The following MAF variants were observed in gnomAD, a reference collection of about 807,000 sequenced individuals.
The protein encoded by MAF is transcription factor Maf.
Under a neutral mutation model 22.0 loss-of-function variants are expected in MAF, and 10 were observed. The observed-to-expected ratio is 0.45, with a 90% CI of 0.28 to 0.77. The LOEUF is 0.77. Ranked by LOEUF, MAF falls within the 30% of genes least tolerant of loss-of-function variation. MAF has a pLI of 0.12. For missense variants in MAF, 544 were observed against 548.4 expected, an observed-to-expected ratio of 0.99 and a Z score of 0.08; for synonymous variants, 337 against 255.8, an observed-to-expected ratio of 1.32 and a Z score of -3.03.
At chr16:79,223,675 G>T in the MAF span, among the ~76,000 whole-genome samples, 1 of 152,064 alleles carries the variant, frequency 6.6e-6, no homozygotes, top group Non-Finnish European at 1.5e-5. Context: ...TGATAAAGGG[G>T]ATATCACCAC....
At chr16:79,226,213 G>A in the MAF span, among the ~76,000 whole-genome samples, 1 of 152,214 alleles carries the variant, frequency 6.6e-6, no homozygotes, top group Non-Finnish European at 1.5e-5. Flanking sequence ...AAAAGGATGA[G>A]TTCATGTCCT....
At chr16:79,285,161 T>C in the MAF span, among the ~76,000 whole-genome samples, 1,867 of 152,336 alleles carry the variant, frequency 0.012, 38 homozygotes, top group African/African-American at 0.043. Flanking sequence ...CCTGGCTTCA[T>C]AGGCATTTGT....
At chr16:79,211,923 G>GTTTT in the MAF span, 1 of 1,541,086 alleles carries the variant, frequency 6.5e-7, no homozygotes, top group Non-Finnish European at 8.7e-7. Flanking sequence ...AATAAGAGCA[G>GTTTT]TCACAACAGA....
chr16:79,215,590 G>A, the MAF span, among the ~76,000 whole-genome samples: 1 of 152,118 alleles, frequency 6.6e-6, no homozygotes, highest in African/African-American at 2.4e-5. Flanking sequence ...CCTCCTCTGT[G>A]GATCCTGCAG....
chr16:79,384,075 G>A, the MAF span, among the ~76,000 whole-genome samples: 1 of 152,168 alleles, frequency 6.6e-6, no homozygotes, highest in Admixed American at 6.5e-5. Flanking sequence ...GGCTCCTCCT[G>A]AGTTGTACAA....
chr16:79,341,643 G>C, the MAF span, among the ~76,000 whole-genome samples: 1 of 152,190 alleles, frequency 6.6e-6, no homozygotes, highest in Non-Finnish European at 1.5e-5. Context: ...GTTGGCTATT[G>C]AAGACTTTTG....
chr16:79,594,401 T>C lies in MAF; in HGVS notation c.*59A>G, dbSNP rs1039276209. On this transcript the variant is annotated 3_prime_UTR_variant, in exon 2 of 2. Coordinates refer to ENST00000326043, the MANE Select transcript of MAF (RefSeq NM_005360.5). ...GAAGTCAGGGGTAGGTGGTTCTCCA[T>C]GACTGCAAATAATAATAATAATGAT... 8.2e-6 allele frequency: 12 copies of C among 1,470,696 alleles called. No individual in the cohort carries two copies. The highest frequency in any genetic ancestry group is 4.2e-5 in the African/African-American group (3 of 71,378). 91.1% of individuals were successfully genotyped at this position (1,470,696 alleles called of 1,614,324 possible).
the MAF span, among the ~76,000 whole-genome samples, chr16:79,548,533 G>C: frequency 6.6e-6 from 1 of 152,232 alleles, no homozygotes; most frequent in Non-Finnish European, 1.5e-5. Context: ...CTACAAGAAA[G>C]TGTTCTAGCA....
chr16:79,486,967 C>G, the MAF span, among the ~76,000 whole-genome samples: 1 of 152,138 alleles, frequency 6.6e-6, no homozygotes, highest in Non-Finnish European at 1.5e-5. Context: ...CATCCTAAAT[C>G]TGCTGCCCAG....
downstream of MAF, among the ~76,000 whole-genome samples, chr16:79,581,403 G>C (rs532385843): frequency 1.4e-4 from 22 of 152,254 alleles, no homozygotes; most frequent in South Asian, 3.9e-3. Context: ...CTTTGCAGAG[G>C]GGGGAGTCAA....
At chr16:79,405,665 G>A in the MAF span, among the ~76,000 whole-genome samples, 2 of 152,184 alleles carry the variant, frequency 1.3e-5, no homozygotes, top group Non-Finnish European at 2.9e-5. Flanking sequence ...GACTTCGAAT[G>A]TTCATACAGA....
At chr16:79,485,947 G>T in the MAF span, among the ~76,000 whole-genome samples, 1 of 152,168 alleles carries the variant, frequency 6.6e-6, no homozygotes, top group Non-Finnish European at 1.5e-5. Flanking sequence ...TTAACTGATG[G>T]AACTCTATAA....
At chr16:79,366,859 C>G in the MAF span, among the ~76,000 whole-genome samples, 16 of 152,330 alleles carry the variant, frequency 1.1e-4, no homozygotes, top group South Asian at 3.3e-3. Context: ...CTGGCTCATA[C>G]AGACTCTGGC....
the MAF span, among the ~76,000 whole-genome samples, chr16:79,550,893 C>T: frequency 6.6e-6 from 1 of 152,220 alleles, no homozygotes; most frequent in African/African-American, 2.4e-5. Flanking sequence ...AATACCTCTC[C>T]AGACTGAGCT....
the MAF span, among the ~76,000 whole-genome samples, chr16:79,462,527 C>G: frequency 6.6e-6 from 1 of 152,350 alleles, no homozygotes; most frequent in South Asian, 2.1e-4. Context: ...GGACTCACCT[C>G]TTGCCAAGGG....
chr16:79,273,949 CTTTTTTTTTTTT>C, the MAF span, among the ~76,000 whole-genome samples: 1 of 86,458 alleles, frequency 1.2e-5, no homozygotes. Context: ...TCGTGTCTGC[CTTTTTTTTTTTT>C]TTTTTTTTTT....
chr16:79,341,379 C>T, the MAF span, among the ~76,000 whole-genome samples: 1 of 152,152 alleles, frequency 6.6e-6, no homozygotes, highest in Non-Finnish European at 1.5e-5. Context: ...TACGGAAGCT[C>T]AGTGGCTACT....
At chr16:79,387,424 G>A in the MAF span, among the ~76,000 whole-genome samples, 2 of 152,064 alleles carry the variant, frequency 1.3e-5, no homozygotes, top group African/African-American at 4.8e-5. Flanking sequence ...ACTACTAAAG[G>A]AGAAAAACAA....
the MAF span, among the ~76,000 whole-genome samples, chr16:79,318,791 G>T: frequency 6.6e-6 from 1 of 152,166 alleles, no homozygotes; most frequent in East Asian, 1.9e-4. Flanking sequence ...AGGGAAAAGA[G>T]CATCTCAGGA....
Sources: allele counts gnomAD v4.1 joint callset (sites outside exome capture counted in the v4.1 genomes callset), GRCh38; gene constraint gnomAD v4.1.1; transcripts MANE v1.5; gene names NCBI Gene and HGNC (gene_info 2026-07-23, HGNC 2026-07-21).